The following KLF7 variants were observed in gnomAD, a reference collection of about 807,000 sequenced individuals.
The protein encoded by KLF7 is KLF transcription factor 7, also known as Krueppel-like factor 7.
In KLF7, 2 loss-of-function variants were observed where a neutral mutation model predicts 27.3. That is an observed-to-expected ratio of 0.07 (90% confidence interval 0.03 to 0.23). KLF7 has a LOEUF of 0.23. KLF7 is among the 10% of genes least tolerant of loss of function. The pLI is 1.00. For missense variants in KLF7, 221 were observed against 394.1 expected, an observed-to-expected ratio of 0.56 and a Z score of 3.72; for synonymous variants, 165 against 162.4, an observed-to-expected ratio of 1.02 and a Z score of -0.12.
chr2:207,150,941 T>G, intron 1 of KLF7, among the ~76,000 whole-genome samples: 1 of 144,054 alleles, frequency 6.9e-6, no homozygotes, highest in East Asian at 2.1e-4. Flanking sequence ...TATTACAAAC[T>G]TTCAACTGGA....
At chr2:207,083,099 T>C (rs2076312461) in intron 3 of KLF7, among the ~76,000 whole-genome samples, 1 of 152,180 alleles carries the variant, frequency 6.6e-6, no homozygotes, top group African/African-American at 2.4e-5. Flanking sequence ...ATTTAGATAA[T>C]CCCTTAGCGA....
rs2078688073 is a variant in KLF7, at chr2:207,165,751, G to A, written c.-183C>T. 6.9e-7 allele frequency: 1 copy of A among 1,441,580 alleles called. No homozygotes were observed. The highest frequency in any genetic ancestry group is 9.1e-7 in the Non-Finnish European group (1 of 1,103,908). The allele number at this position is 1,441,580 out of a possible 1,614,324, so 89.3% of individuals were successfully genotyped here. Reference sequence around the variant, plus strand: ...ATCAATGCAGGAGAGGGAGAGAGGAGGTGAGAGAGGAGCGAGTGAGTGGGG... The same window carrying A: ...ATCAATGCAGGAGAGGGAGAGAGGAAGTGAGAGAGGAGCGAGTGAGTGGGG... On this transcript the variant is annotated 5_prime_UTR_variant, in exon 1 of 4. Transcript: ENST00000309446.
intron 1 of KLF7, among the ~76,000 whole-genome samples, chr2:207,139,026 A>C (rs2077866025): frequency 6.6e-6 from 1 of 152,210 alleles, no homozygotes; most frequent in Non-Finnish European, 1.5e-5. Context: ...TGTGAATGAG[A>C]GGATCCTTTT....
chr2:207,157,219 T>TAAAAAAAAAAAAAAAAAAAAAGAAAAA (rs2078408689), intron 1 of KLF7, among the ~76,000 whole-genome samples: 1 of 87,310 alleles, frequency 1.1e-5, no homozygotes, highest in Non-Finnish European at 2.3e-5. Flanking sequence ...AACAGAAAAG[T>TAAAAAAAAAAAAAAAAAAAAAGAAAAA]AAAAAAAAAA....
At chr2:207,162,391 T>C (rs938982772) in intron 1 of KLF7, among the ~76,000 whole-genome samples, 3 of 152,204 alleles carry the variant, frequency 2.0e-5, no homozygotes, top group Admixed American at 6.5e-5. Context: ...TATAAAATAA[T>C]AGACCACATA....
chr2:207,144,683 T>A (rs2078047025), intron 1 of KLF7, among the ~76,000 whole-genome samples: 1 of 152,188 alleles, frequency 6.6e-6, no homozygotes, highest in African/African-American at 2.4e-5. Context: ...GCAGCTTCCA[T>A]ATCTGTCATT....
intron 1 of KLF7, among the ~76,000 whole-genome samples, chr2:207,138,527 C>T (rs2077850589): frequency 6.6e-6 from 1 of 152,192 alleles, no homozygotes; most frequent in African/African-American, 2.4e-5. Flanking sequence ...GCATCTGCTA[C>T]TTATAGTTAA....
At chr2:207,121,391 T>C (rs2105976923) in intron 2 of KLF7, 1 of 152,372 alleles carries the variant, frequency 6.6e-6, no homozygotes, top group South Asian at 2.1e-4. Flanking sequence ...CTATCGGTAA[T>C]GAGTTCTTAC....
At chr2:207,169,189 A>C (rs1196517572), upstream of KLF7, among the ~76,000 whole-genome samples, 1 of 152,206 alleles carries the variant, frequency 6.6e-6, no homozygotes, top group Non-Finnish European at 1.5e-5. Context: ...GGAGGTGTTC[A>C]TTTTACTTCT....
At position 207,077,359 on chromosome 2, in the gene KLF7, A is replaced by G. The variant is rs544140140; in HGVS notation, c.*3854T>C. On this transcript the variant is annotated 3_prime_UTR_variant, in exon 4 of 4. Coordinates refer to ENST00000309446, the MANE Select transcript of KLF7 (RefSeq NM_003709.4). ...AAAGTCCTTATAAAATCTTCTCTGA[A>G]GCCAGAGAAGATTTTTTAAAACTAG... 2.0e-5 allele frequency: 3 copies of G among 152,292 alleles called. No homozygotes were observed. The highest frequency in any genetic ancestry group is 7.2e-5 in the African/African-American group (3 of 41,564). The allele number at this position is 152,292 out of a possible 1,614,324, so 9.4% of individuals were successfully genotyped here.
intron 2 of KLF7, among the ~76,000 whole-genome samples, chr2:207,113,260 A>C (rs569051153): frequency 5.9e-5 from 9 of 152,260 alleles, no homozygotes; most frequent in Admixed American, 5.9e-4. Flanking sequence ...TTTTTTCCTG[A>C]AGACCAAAGC....
At chr2:207,155,901 T>C (rs1350719913) in intron 1 of KLF7, among the ~76,000 whole-genome samples, 1 of 152,180 alleles carries the variant, frequency 6.6e-6, no homozygotes, top group Non-Finnish European at 1.5e-5. Flanking sequence ...CTGAGCAAAT[T>C]TGCCGCCTCT....
At position 207,124,478 on chromosome 2, in the gene KLF7, C is replaced by A. The variant is rs1298451743; in HGVS notation, c.103-74G>T. The A allele has an allele frequency of 5.0e-6, 7 of 1,410,088 alleles. No homozygotes were observed. In the Admixed American group the frequency reaches 1.6e-4, roughly 32 times the overall value. The allele number at this position is 1,410,088 out of a possible 1,614,324, so 87.3% of individuals were successfully genotyped here. On this transcript the variant is annotated intron_variant, in intron 1 of 3. Transcript: ENST00000309446. ...CACCATGAGGCCACACGTTGACAGG[C>A]AGAGGGGGAAGGTGCAGAGAGAATG... is the stretch of plus-strand genomic sequence containing the variant.
At chr2:207,149,216 T>A in intron 1 of KLF7, 1 of 1,229,862 alleles carries the variant, frequency 8.1e-7, no homozygotes, top group Non-Finnish European at 1.1e-6. Context: ...GAGAAAAAAT[T>A]AAAAATCTGT....
chr2:207,101,833 T>C (rs944364361), intron 2 of KLF7, among the ~76,000 whole-genome samples: 10 of 152,150 alleles, frequency 6.6e-5, no homozygotes, highest in Non-Finnish European at 1.2e-4. Context: ...ATCATATTGT[T>C]TGAGTAAATT....
At chr2:207,172,236 T>C, upstream of KLF7, among the ~76,000 whole-genome samples, 1 of 152,184 alleles carries the variant, frequency 6.6e-6, no homozygotes, top group African/African-American at 2.4e-5. Flanking sequence ...AAGACCTTCG[T>C]GTGACAGGTG....
At chr2:207,166,591 G>T (rs7568369), upstream of KLF7, 59,309 of 157,254 alleles carry the variant, frequency 0.38, 11,970 homozygotes, top group African/African-American at 0.51. Flanking sequence ...GAGGTGAAAG[G>T]CCGGAGTGCG....
At chr2:207,116,371 T>C (rs539585836) in intron 2 of KLF7, among the ~76,000 whole-genome samples, 3 of 152,232 alleles carry the variant, frequency 2.0e-5, no homozygotes, top group Admixed American at 6.5e-5. Flanking sequence ...TTAATTTTTT[T>C]AAAAAGAGGA....
intron 2 of KLF7, among the ~76,000 whole-genome samples, chr2:207,094,364 T>A (rs74377405): frequency 0.049 from 7,526 of 152,314 alleles, 265 homozygotes; most frequent in Middle Eastern, 0.092. Flanking sequence ...ATTTATTTAT[T>A]TTTTTAATGT....
Sources: allele counts gnomAD v4.1 joint callset (sites outside exome capture counted in the v4.1 genomes callset), GRCh38; gene constraint gnomAD v4.1.1; transcripts MANE v1.5; gene names NCBI Gene and HGNC (gene_info 2026-07-23, HGNC 2026-07-21).